SLC22A23: variants seen among roughly 807,000 people sequenced by gnomAD.
SLC22A23 encodes solute carrier family 22 member 23, also known as ion transporter protein.
SLC22A23 carries 26 observed loss-of-function variants against 61.0 expected under a neutral mutation model. That is an observed-to-expected ratio of 0.43 (90% CI 0.31 to 0.59). SLC22A23 has a LOEUF of 0.59. Ranked by LOEUF, SLC22A23 falls within the 20% of genes least tolerant of loss-of-function variation. SLC22A23 has a pLI of 0.11. For synonymous variants in SLC22A23, 430 were observed against 413.9 expected (o/e 1.04, Z -0.47); for missense variants, 796 against 934.7 (o/e 0.85, Z 1.94).
chr6:3,448,099 C>T (rs967662256), intron 1 of SLC22A23, among the ~76,000 whole-genome samples: 6 of 151,440 alleles, frequency 4.0e-5, no homozygotes, highest in Admixed American at 2.0e-4. Context: ...GGCGGGGTTT[C>T]ACCATGTCGG....
intron 3 of SLC22A23, among the ~76,000 whole-genome samples, chr6:3,377,649 C>T (rs1045274053): frequency 2.4e-5 from 3 of 125,458 alleles, no homozygotes; most frequent in Non-Finnish European, 5.0e-5. Flanking sequence ...TCGCACTGAA[C>T]GTGTCTAGGC....
At chr6:3,299,928 A>G (rs1308331605) in intron 4 of SLC22A23, among the ~76,000 whole-genome samples, 1 of 151,750 alleles carries the variant, frequency 6.6e-6, no homozygotes, top group Admixed American at 6.6e-5. Context: ...TTGTATCAGG[A>G]AAGTCACGAC....
intron 3 of SLC22A23, among the ~76,000 whole-genome samples, chr6:3,409,345 T>C (rs1187525327): frequency 1.3e-5 from 2 of 152,230 alleles, no homozygotes; most frequent in African/African-American, 2.4e-5. Flanking sequence ...AAATTTTAGC[T>C]ATCTAAAAGA....
rs942837099 is a variant in SLC22A23, at chr6:3,327,500, C to A, written c.914-3498G>T. Among the ~76,000 whole-genome samples, 4 of 152,202 alleles carry A rather than the reference C, an allele frequency of 2.6e-5. No individual in the cohort carries two copies. Among genetic ancestry groups the A allele is most frequent in the African/African-American group, 9.6e-5 (4 of 41,452 alleles). ...TCAAACATTAAACTATCTCAAGTGG[C>A]CAGCATGTAGCACTTCCACTGCTGT... On this transcript the variant is annotated intron_variant, in intron 3 of 9. Transcript: ENST00000406686. The surrounding 1 kb of genome is among the most constrained non-coding windows in gnomAD (Gnocchi z 4.1).
At position 3,324,164 on chromosome 6, in the gene SLC22A23, G is replaced by A. The variant is rs1030544878; in HGVS notation, c.914-162C>T. ...CCTATGTGGTGTGCCAGTGTTTTAC[G>A]GGCGCGTTGAGGCTCCAACTGGGAA... On this transcript the variant is annotated intron_variant, in intron 3 of 9. Transcript: ENST00000406686. The surrounding 1 kb of genome is among the most constrained non-coding windows in gnomAD (Gnocchi z 4.3). 1.3e-5 allele frequency: 11 copies of A among 835,620 alleles called. No individual in the cohort carries two copies. Among genetic ancestry groups the A allele is most frequent in the Middle Eastern group, 2.3e-4 (1 of 4,304 alleles). The allele number at this position is 835,620 out of a possible 1,614,324, so 51.8% of individuals were successfully genotyped here. A position where few individuals can be genotyped will look rare whatever the true frequency, so the allele number is the denominator to read the frequency against.
rs1763135064 is a variant in SLC22A23, at chr6:3,324,101, G to A, written c.914-99C>T. 6 of 1,431,672 alleles carry A rather than the reference G, an allele frequency of 4.2e-6. No homozygotes were observed. The highest frequency in any genetic ancestry group is 2.3e-5 in the East Asian group (1 of 43,200). 88.7% of individuals were successfully genotyped at this position (1,431,672 alleles called of 1,614,324 possible). Reference sequence around the variant, plus strand: ...CCAGTGCACTGCTTAACCCACCAACGACTGAAATTGTTTTCATCTGCTGCC... The same window carrying A: ...CCAGTGCACTGCTTAACCCACCAACAACTGAAATTGTTTTCATCTGCTGCC... On this transcript the variant is annotated intron_variant, in intron 3 of 9. Coordinates refer to ENST00000406686, the MANE Select transcript of SLC22A23 (RefSeq NM_015482.2). The surrounding 1 kb of genome is among the most constrained non-coding windows in gnomAD (Gnocchi z 4.3).
chr6:3,337,237 C>A (rs1763908893), intron 3 of SLC22A23, among the ~76,000 whole-genome samples: 1 of 152,202 alleles, frequency 6.6e-6, no homozygotes, highest in Non-Finnish European at 1.5e-5. Context: ...AGCCAGGAGG[C>A]CTGTTTGTTG....
chr6:3,357,859 C>T (rs1478179730), intron 3 of SLC22A23, among the ~76,000 whole-genome samples: 1 of 152,144 alleles, frequency 6.6e-6, no homozygotes, highest in Non-Finnish European at 1.5e-5. Context: ...GGGTTCTGTG[C>T]TACAGGAATG....
chr6:3,376,330 AAAGCAAACCTT>A (rs1246592980), intron 3 of SLC22A23, among the ~76,000 whole-genome samples: 1 of 152,144 alleles, frequency 6.6e-6, no homozygotes, highest in Non-Finnish European at 1.5e-5. Context: ...ATCACGGAGC[AAAGCAAACCTT>A]CCCACTGTCC....
rs1214048131 is a variant in SLC22A23 at position 3,456,206 on chromosome 6, C to T, written c.354G>A (p.Ser118=). Residue 118 remains serine (S), a synonymous_variant, in exon 1 of 10, where the codon TCG becomes TCA. Coordinates refer to ENST00000406686, the MANE Select transcript of SLC22A23 (RefSeq NM_015482.2). This position sits in a 1 kb window ranked among gnomAD's most constrained non-coding sequence, Gnocchi z 7.1. ...LFIGFSQFSD[S]FLLDQPNFWC... ...AGAAGTTGGGCTGGTCCAGGAGGAA[C>T]GAGTCCGAGAACTGGCTGAAGCCGA... The T allele has an allele frequency of 1.3e-6, 2 of 1,551,300 alleles. No homozygotes were observed. Among genetic ancestry groups the T allele is most frequent in the Non-Finnish European group, 1.7e-6 (2 of 1,146,838 alleles).
chr6:3,402,967 T>C (rs893449677), intron 3 of SLC22A23, among the ~76,000 whole-genome samples: 2 of 152,214 alleles, frequency 1.3e-5, no homozygotes, highest in Admixed American at 6.5e-5. Context: ...TTAAACTCTT[T>C]GTAGCAGAGC....
At chr6:3,365,003 G>T (rs771434616) in intron 3 of SLC22A23, among the ~76,000 whole-genome samples, 1 of 152,328 alleles carries the variant, frequency 6.6e-6, no homozygotes, top group African/African-American at 2.4e-5. Flanking sequence ...ACAGGTGTCT[G>T]CTGTATAGTT....
intron 1 of SLC22A23, among the ~76,000 whole-genome samples, chr6:3,417,218 C>T (rs931155092): frequency 3.3e-5 from 5 of 152,178 alleles, no homozygotes; most frequent in Admixed American, 6.5e-5. Context: ...CCCACTTCTG[C>T]CCTGGACTCC....
intron 3 of SLC22A23, among the ~76,000 whole-genome samples, chr6:3,384,948 T>C (rs1767194101): frequency 6.6e-6 from 1 of 152,174 alleles, no homozygotes; most frequent in Non-Finnish European, 1.5e-5. Flanking sequence ...TGTCTGAACA[T>C]GGAGGACATT....
At chr6:3,281,581 C>T (rs998107191) in intron 9 of SLC22A23, among the ~76,000 whole-genome samples, 6 of 152,258 alleles carry the variant, frequency 3.9e-5, no homozygotes, top group East Asian at 1.9e-4. Flanking sequence ...AAGGCTAGTT[C>T]TGTGCTAAGA....
At chr6:3,403,348 G>A (rs906745721) in intron 3 of SLC22A23, among the ~76,000 whole-genome samples, 1 of 150,708 alleles carries the variant, frequency 6.6e-6, no homozygotes, top group East Asian at 1.9e-4. Flanking sequence ...CTGTCCAGGT[G>A]TGGAAAAAAA....
intron 4 of SLC22A23, among the ~76,000 whole-genome samples, chr6:3,299,057 GATC>G (rs1413616209): frequency 3.3e-5 from 5 of 151,222 alleles, no homozygotes; most frequent in African/African-American, 4.9e-5. Context: ...ACCCTGATCT[GATC>G]ATTTTACATT....
chr6:3,324,168 G>T lies in SLC22A23; in HGVS notation c.914-166C>A. ...TGTGGTGTGCCAGTGTTTTACGGGCGCGTTGAGGCTCCAACTGGGAAGGGA... is the reference window on the plus strand; with the variant it reads ...TGTGGTGTGCCAGTGTTTTACGGGCTCGTTGAGGCTCCAACTGGGAAGGGA... On this transcript the variant is annotated intron_variant, in intron 3 of 9. Coordinates refer to ENST00000406686, the MANE Select transcript of SLC22A23 (RefSeq NM_015482.2). The surrounding 1 kb of genome is among the most constrained non-coding windows in gnomAD (Gnocchi z 4.3). 1 of 769,744 alleles carries T rather than the reference G, an allele frequency of 1.3e-6. No homozygotes were observed. The highest frequency in any genetic ancestry group is 1.9e-5 in the South Asian group (1 of 52,668). The allele number at this position is 769,744 out of a possible 1,614,324, so 47.7% of individuals were successfully genotyped here.
intron 3 of SLC22A23, among the ~76,000 whole-genome samples, chr6:3,356,620 G>T (rs1258849820): frequency 6.6e-6 from 1 of 152,082 alleles, no homozygotes; most frequent in Non-Finnish European, 1.5e-5. Context: ...CACCATCCAC[G>T]TGAAACATTT....
Sources: gnomAD v4.1 joint callset for allele counts (sites outside exome capture counted in the v4.1 genomes callset) on GRCh38, gnomAD v4.1.1 for gene constraint, Gnocchi (gnomAD v3.1) non-coding constraint, MANE v1.5 for transcripts, NCBI Gene and HGNC (gene_info 2026-07-23, HGNC 2026-07-21) for gene names.